The following MYO9A variants were observed in gnomAD, a reference collection of about 807,000 sequenced individuals.
The protein encoded by MYO9A is unconventional myosin-IXa.
In MYO9A, 103 loss-of-function variants were observed where a neutral mutation model predicts 293.3. The ratio of observed to expected loss-of-function variants is 0.35; its 90% CI spans 0.30 to 0.41. MYO9A has a LOEUF of 0.41. Ranked by LOEUF, MYO9A falls within the 10% of genes least tolerant of loss-of-function variation. MYO9A has a pLI of 1.00. For missense variants in MYO9A, 2,685 were observed against 3,033.0 expected (o/e 0.89, Z 2.69); for synonymous variants, 1,001 against 1,035.7 (o/e 0.97, Z 0.64).
At chr15:71,894,214 C>A (rs2057258997) in intron 25 of MYO9A, among the ~76,000 whole-genome samples, 1 of 152,080 alleles carries the variant, frequency 6.6e-6, no homozygotes, top group South Asian at 2.1e-4. Flanking sequence ...TGAGATGGTT[C>A]TTATTGGTTA....
chr15:71,862,014 C>T (rs2056153830), intron 33 of MYO9A, among the ~76,000 whole-genome samples: 1 of 152,136 alleles, frequency 6.6e-6, no homozygotes, highest in Non-Finnish European at 1.5e-5. Flanking sequence ...GCCTGTAATC[C>T]CAGCTACTCG....
intron 2 of MYO9A, chr15:72,045,262 G>A (rs2078349449): frequency 2.0e-5 from 1 of 51,048 alleles, no homozygotes; most frequent in Admixed American, 3.3e-4. Context: ...TCTATCCAAA[G>A]ACAATTTTTT....
At chr15:72,084,343 G>T (rs2079646604) in intron 1 of MYO9A, among the ~76,000 whole-genome samples, 1 of 151,956 alleles carries the variant, frequency 6.6e-6, no homozygotes, top group Admixed American at 6.6e-5. Context: ...TATTTGCTTG[G>T]TAATTTTTCT....
At position 72,029,110 on chromosome 15, in the gene MYO9A, G is replaced by C. The variant is rs576627845; in HGVS notation, c.936-1317C>G. 1.4e-4 allele frequency among the ~76,000 whole-genome samples: 22 copies of C among 152,276 alleles called. 1 individual carries two copies. Among genetic ancestry groups the C allele is most frequent in the African/African-American group, 5.3e-4 (22 of 41,556 alleles). ...TGGATAAGTGAGTACACAGCACAGA[G>C]TAAACTTTCATTACATATATCTGGT... On this transcript the variant is annotated intron_variant, in intron 3 of 41. Transcript: ENST00000356056.
chr15:71,975,632 C>G (rs1286489835), intron 12 of MYO9A, among the ~76,000 whole-genome samples: 1 of 152,074 alleles, frequency 6.6e-6, no homozygotes, highest in East Asian at 1.9e-4. Context: ...AGGCAGGTCT[C>G]TAATCTGATT....
At chr15:71,839,652 C>T (rs1244471308) in intron 39 of MYO9A, among the ~76,000 whole-genome samples, 2 of 152,080 alleles carry the variant, frequency 1.3e-5, no homozygotes, top group Non-Finnish European at 2.9e-5. Context: ...TCAAGCAATC[C>T]TCCTGCCTTG....
intron 4 of MYO9A, among the ~76,000 whole-genome samples, chr15:72,022,393 G>A (rs954462754): frequency 4.0e-5 from 6 of 151,814 alleles, no homozygotes; most frequent in East Asian, 1.9e-4. Flanking sequence ...CATGACGTGC[G>A]CCTGTAGTCC....
At chr15:71,916,888 C>T (rs1232441478) in intron 18 of MYO9A, among the ~76,000 whole-genome samples, 1 of 152,196 alleles carries the variant, frequency 6.6e-6, no homozygotes, top group Non-Finnish European at 1.5e-5. Flanking sequence ...TTTGTAAATG[C>T]TCAGAGGCAG....
intron 13 of MYO9A, among the ~76,000 whole-genome samples, chr15:71,965,382 C>T (rs2075846945): frequency 6.6e-6 from 1 of 151,860 alleles, no homozygotes; most frequent in South Asian, 2.1e-4. Context: ...AGAAAAAAAT[C>T]TACAATTATG....
At position 71,897,920 on chromosome 15, in the gene MYO9A, T is replaced by G. The variant is rs137987289; in HGVS notation, c.4583A>C (p.Lys1528Thr). Residue 1528 changes from lysine (K) to threonine (T), a missense_variant, in exon 25 of 42, where the codon AAA (lysine) becomes ACA (threonine). Around this residue, in one of 10 missense-constraint regions of MYO9A, gnomAD observed 1,434 missense variants for 1,497.7 expected, o/e 0.96. Transcript: ENST00000356056. ...TGGCTTTTCAATTGTCTTGAAGGCT[T>G]TGCGCTCCTTCTCTAAAATATCTGT... The part of the protein sequence containing the change: ...QQTDILEKER[K>T]AFKTIEKPRI... 1 of 1,614,180 alleles carries G rather than the reference T, an allele frequency of 6.2e-7. No individual in the cohort carries two copies. The highest frequency in any genetic ancestry group is 2.2e-5 in the East Asian group (1 of 44,876).
intron 2 of MYO9A, among the ~76,000 whole-genome samples, chr15:72,043,637 A>G (rs1204691002): frequency 1.3e-5 from 2 of 152,206 alleles, no homozygotes; most frequent in Non-Finnish European, 2.9e-5. Flanking sequence ...TAGAAAATGC[A>G]TACTAATCTA....
At chr15:72,081,242 T>G (rs1443216898) in intron 1 of MYO9A, among the ~76,000 whole-genome samples, 1 of 152,190 alleles carries the variant, frequency 6.6e-6, no homozygotes, top group Non-Finnish European at 1.5e-5. Context: ...TTTTTGACTT[T>G]TTAATAATAG....
chr15:72,017,329 T>C (rs2077375231), intron 6 of MYO9A, among the ~76,000 whole-genome samples: 1 of 152,282 alleles, frequency 6.6e-6, no homozygotes, highest in African/African-American at 2.4e-5. Context: ...TTCTTAAGTA[T>C]TACTTAGACT....
At chr15:71,839,292 G>C (rs1375604631) in intron 39 of MYO9A, among the ~76,000 whole-genome samples, 1 of 152,184 alleles carries the variant, frequency 6.6e-6, no homozygotes, top group Non-Finnish European at 1.5e-5. Flanking sequence ...TAGAGAGGTA[G>C]GGTACTTGAG....
chr15:71,882,612 C>T (rs2056907849), intron 28 of MYO9A, among the ~76,000 whole-genome samples: 1 of 152,022 alleles, frequency 6.6e-6, no homozygotes, highest in Non-Finnish European at 1.5e-5. Flanking sequence ...GCCTAAGCAA[C>T]ATAGTGAAAC....
intron 12 of MYO9A, among the ~76,000 whole-genome samples, chr15:71,977,111 G>A (rs2147783900): frequency 6.6e-6 from 1 of 152,292 alleles, no homozygotes; most frequent in Non-Finnish European, 1.5e-5. Flanking sequence ...TATTTCTGAA[G>A]CATATATTTA....
At chr15:72,092,543 C>T (rs972588384) in intron 1 of MYO9A, among the ~76,000 whole-genome samples, 3 of 152,100 alleles carry the variant, frequency 2.0e-5, no homozygotes, top group Admixed American at 2.0e-4. Flanking sequence ...CACCACTGCA[C>T]GACCACTGCC....
intron 8 of MYO9A, among the ~76,000 whole-genome samples, chr15:72,004,237 C>G (rs1172051560): frequency 6.6e-6 from 1 of 152,134 alleles, no homozygotes; most frequent in Non-Finnish European, 1.5e-5. Flanking sequence ...TCATATTTAC[C>G]TAATTAAAAA....
At chr15:71,913,550 C>G (rs1166373887) in intron 19 of MYO9A, among the ~76,000 whole-genome samples, 1 of 152,174 alleles carries the variant, frequency 6.6e-6, no homozygotes, top group Non-Finnish European at 1.5e-5. Context: ...CTATTTACAT[C>G]ATCTCCATCA....
Sources: allele counts gnomAD v4.1 joint callset (sites outside exome capture counted in the v4.1 genomes callset), GRCh38; gene constraint gnomAD v4.1.1; regional missense constraint gnomAD v4.1.1; transcripts MANE v1.5; gene names NCBI Gene and HGNC (gene_info 2026-07-23, HGNC 2026-07-21).